Variants in ARHGAP44 observed in about 807,000 individuals in gnomAD.
ARHGAP44 encodes rho GTPase-activating protein 44.
ARHGAP44 carries 43 observed loss-of-function variants against 106.8 expected under a neutral mutation model. The ratio of observed to expected loss-of-function variants is 0.40; its 90% CI spans 0.32 to 0.52. The LOEUF (loss-of-function observed/expected upper bound fraction) is 0.52, where lower values mean the gene tolerates loss of function less well. Ranked by LOEUF, ARHGAP44 falls within the 20% of genes least tolerant of loss-of-function variation. ARHGAP44 has a pLI of 0.48. For missense variants in ARHGAP44, 866 were observed against 1,050.5 expected, an observed-to-expected ratio of 0.82 and a Z score of 2.43; for synonymous variants, 439 against 410.3, an observed-to-expected ratio of 1.07 and a Z score of -0.85.
Position 12,893,110 on chromosome 17 carries a change from G to C in ARHGAP44, c.54-1830G>C, listed in dbSNP as rs574949444. On this transcript the variant is annotated intron_variant, in intron 1 of 20. Transcript: ENST00000379672. The stretch of plus-strand genomic sequence containing the variant: ...CAGCTTTCTCTGATGCTGCTCTAGT[G>C]GGGGGAGCAGTTTCTAGTGCTTTGT... 3.3e-5 allele frequency among the ~76,000 whole-genome samples: 5 copies of C among 151,932 alleles called. No homozygotes were observed. In the East Asian group the frequency reaches 5.8e-4, roughly 18 times the overall value.
intron 19 of ARHGAP44, 62 bp from the exon 20 acceptor site, chr17:12,984,469 C>T: frequency 6.7e-7 from 1 of 1,493,500 alleles, no homozygotes; most frequent in Non-Finnish European, 8.9e-7. Flanking sequence ...GTGAACAGGC[C>T]CCACAAGTGG....
At chr17:12,945,780 T>TTTAGC (rs888852553) in intron 10 of ARHGAP44, among the ~76,000 whole-genome samples, 14 of 152,228 alleles carry the variant, frequency 9.2e-5, no homozygotes, top group South Asian at 4.1e-4. Flanking sequence ...TATCAAATTT[T>TTTAGC]TTAGCTTAGC....
intron 1 of ARHGAP44, among the ~76,000 whole-genome samples, chr17:12,873,905 A>G (rs1459819039): frequency 2.0e-5 from 1 of 49,328 alleles, no homozygotes; most frequent in Non-Finnish European, 5.7e-5. Context: ...CTCAGTCTCA[A>G]AAAATAAATA....
intron 1 of ARHGAP44, among the ~76,000 whole-genome samples, chr17:12,871,157 G>A (rs2036395286): frequency 6.6e-6 from 1 of 152,160 alleles, no homozygotes; most frequent in African/African-American, 2.4e-5. Flanking sequence ...CTTAAATGTA[G>A]TTCCTTGTGG....
intron 1 of ARHGAP44, among the ~76,000 whole-genome samples, chr17:12,801,414 A>C (rs566636507): frequency 3.8e-4 from 58 of 152,228 alleles, no homozygotes; most frequent in Non-Finnish European, 7.6e-4. Context: ...CACAAGTCTC[A>C]GAGCAGGTGA....
chr17:12,917,483 G>GGAGA (rs959689386), intron 5 of ARHGAP44: 5 of 152,516 alleles, frequency 3.3e-5, no homozygotes, highest in East Asian at 1.9e-4. Context: ...CGGGAGGGAG[G>GGAGA]GAGAGAGAGA....
intron 20 of ARHGAP44, chr17:12,988,372 G>A (rs983103508): frequency 5.9e-5 from 9 of 152,236 alleles, no homozygotes; most frequent in African/African-American, 2.2e-4. Context: ...AGGGGAGCTT[G>A]GTGCTCTTAC....
chr17:12,815,168 AT>A (rs2034562262), intron 1 of ARHGAP44, among the ~76,000 whole-genome samples: 1 of 151,758 alleles, frequency 6.6e-6, no homozygotes, highest in Admixed American at 6.6e-5. Flanking sequence ...GGCTTTCCTG[AT>A]TCTCCAGAGT....
chr17:12,791,193 A>G (rs1352256656), intron 1 of ARHGAP44, among the ~76,000 whole-genome samples: 1 of 152,164 alleles, frequency 6.6e-6, no homozygotes, highest in Non-Finnish European at 1.5e-5. Flanking sequence ...TCTAAAATTG[A>G]CTTGGATTCA....
At chr17:12,980,742 C>T (rs114657934) in intron 19 of ARHGAP44, among the ~76,000 whole-genome samples, 348 of 152,292 alleles carry the variant, frequency 2.3e-3, no homozygotes, top group African/African-American at 8.0e-3. Flanking sequence ...TTCAGATAAT[C>T]ACTTCCAAAA....
chr17:12,868,115 A>G (rs1424544026), intron 1 of ARHGAP44, among the ~76,000 whole-genome samples: 1 of 151,960 alleles, frequency 6.6e-6, no homozygotes, highest in African/African-American at 2.4e-5. Flanking sequence ...CTTTCCTCCT[A>G]TTTCTGGAGG....
intron 1 of ARHGAP44, among the ~76,000 whole-genome samples, chr17:12,854,538 A>T (rs1200823534): frequency 6.6e-6 from 1 of 152,192 alleles, no homozygotes; most frequent in East Asian, 1.9e-4. Context: ...GTGGTTTCTG[A>T]CACAACTAAT....
At chr17:12,835,825 T>C (rs4791509) in intron 1 of ARHGAP44, among the ~76,000 whole-genome samples, 36,435 of 151,996 alleles carry the variant, frequency 0.24, 5,234 homozygotes, top group African/African-American at 0.4. Context: ...GCGCCAGTAA[T>C]CACTATTTTA....
At chr17:12,889,273 A>T (rs946022442) in intron 1 of ARHGAP44, among the ~76,000 whole-genome samples, 2 of 152,052 alleles carry the variant, frequency 1.3e-5, no homozygotes, top group African/African-American at 4.8e-5. Context: ...TTGTGCTCTA[A>T]CAGAATGCCA....
At chr17:12,931,664 T>A (rs978488416) in intron 7 of ARHGAP44, among the ~76,000 whole-genome samples, 1 of 151,734 alleles carries the variant, frequency 6.6e-6, no homozygotes, top group African/African-American at 2.4e-5. Context: ...GCCCGGCTAA[T>A]TTTTTTGTAT....
intron 3 of ARHGAP44, among the ~76,000 whole-genome samples, chr17:12,900,222 C>T (rs970152474): frequency 1.3e-5 from 2 of 152,000 alleles, no homozygotes; most frequent in Admixed American, 6.6e-5. Flanking sequence ...CTCTGCCTCC[C>T]GGGTTCAAAC....
chr17:12,839,995 C>G (rs543301363), intron 1 of ARHGAP44, among the ~76,000 whole-genome samples: 1 of 152,332 alleles, frequency 6.6e-6, no homozygotes, highest in South Asian at 2.1e-4. Context: ...CCCTTCAGCT[C>G]TCAGCACATC....
Position 12,949,632 on chromosome 17 carries a change from A to G in ARHGAP44, c.974-17A>G. 1 of 1,612,622 alleles carries G rather than the reference A, an allele frequency of 6.2e-7. No individual in the cohort carries two copies. The highest frequency in any genetic ancestry group is 8.5e-7 in the Non-Finnish European group (1 of 1,178,944). ...CACATCATAACAGTTCACAACCAAT[A>G]TTTCATTCATGCCTAGGAGCTTTGA... is the stretch of plus-strand genomic sequence containing the variant. On this transcript the variant is annotated splice_polypyrimidine_tract_variant and intron_variant, in intron 11 of 20. Transcript: ENST00000379672. This position sits in a 1 kb window ranked among gnomAD's most constrained non-coding sequence, Gnocchi z 4.1.
intron 1 of ARHGAP44, among the ~76,000 whole-genome samples, chr17:12,842,841 T>A (rs931933985): frequency 6.6e-6 from 1 of 152,044 alleles, no homozygotes; most frequent in South Asian, 2.1e-4. Flanking sequence ...TGGTACAGAG[T>A]CAGGTGGTAT....
Sources: allele counts gnomAD v4.1 joint callset (sites outside exome capture counted in the v4.1 genomes callset), GRCh38; gene constraint gnomAD v4.1.1; non-coding constraint Gnocchi (gnomAD v3.1); transcripts MANE v1.5; gene names NCBI Gene and HGNC (gene_info 2026-07-23, HGNC 2026-07-21).